Variants in RALGAPA2 observed in about 807,000 individuals in gnomAD.
RALGAPA2 encodes the protein Ral GTPase activating protein catalytic subunit alpha 2.
In RALGAPA2, 139 loss-of-function variants were observed where a neutral mutation model predicts 230.4. That is an observed-to-expected ratio of 0.60 (90% CI 0.53 to 0.69). The LOEUF is 0.69. Ranked by LOEUF, RALGAPA2 falls within the 30% of genes least tolerant of loss-of-function variation. RALGAPA2 has a pLI of 0.00. For missense variants in RALGAPA2, 2,163 were observed against 2,276.0 expected (o/e 0.95, Z 1.01); for synonymous variants, 847 against 837.8 (o/e 1.01, Z -0.19).
chr20:20,625,589 C>T (rs938523103), intron 10 of RALGAPA2, among the ~76,000 whole-genome samples: 4 of 152,146 alleles, frequency 2.6e-5, no homozygotes, highest in Non-Finnish European at 5.9e-5. Context: ...ATTGTACACA[C>T]ATAAATAAAT....
intron 34 of RALGAPA2, 33 bp downstream of exon 34, chr20:20,505,378 G>T: frequency 6.4e-7 from 1 of 1,570,850 alleles, no homozygotes; most frequent in Non-Finnish European, 8.6e-7. Context: ...AACAGTGCTG[G>T]TCAATAAACA....
intron 16 of RALGAPA2, among the ~76,000 whole-genome samples, chr20:20,600,576 C>G (rs1357345171): frequency 6.6e-6 from 1 of 152,196 alleles, no homozygotes; most frequent in African/African-American, 2.4e-5. Flanking sequence ...GGATTCTAAA[C>G]CATCTGTATT....
At chr20:20,438,158 C>T (rs1341399312) in intron 37 of RALGAPA2, among the ~76,000 whole-genome samples, 2 of 152,190 alleles carry the variant, frequency 1.3e-5, no homozygotes, top group African/African-American at 4.8e-5. Context: ...TAAATAGGAA[C>T]ATACCACAGT....
chr20:20,501,596 A>C (rs2062378003), intron 35 of RALGAPA2, among the ~76,000 whole-genome samples: 1 of 152,242 alleles, frequency 6.6e-6, no homozygotes, highest in Non-Finnish European at 1.5e-5. Context: ...CCATATCAGC[A>C]ATAAGGCTAT....
chr20:20,677,610 AAGAATCATGATT>A (rs2068374373), intron 2 of RALGAPA2, among the ~76,000 whole-genome samples: 1 of 148,588 alleles, frequency 6.7e-6, no homozygotes, highest in Non-Finnish European at 1.5e-5. Flanking sequence ...TACAGCAGCC[AAGAATCATGATT>A]TGACCCATTT....
At chr20:20,603,499 T>C (rs944880928) in intron 15 of RALGAPA2, among the ~76,000 whole-genome samples, 1 of 152,172 alleles carries the variant, frequency 6.6e-6, no homozygotes, top group African/African-American at 2.4e-5. Flanking sequence ...GTAGCAAAAC[T>C]GAACAAGCAG....
At chr20:20,679,735 T>C (rs915525321) in intron 2 of RALGAPA2, among the ~76,000 whole-genome samples, 3 of 152,062 alleles carry the variant, frequency 2.0e-5, no homozygotes, top group African/African-American at 7.2e-5. Flanking sequence ...CAAGGTCCAT[T>C]CCCAAGGCCA....
intron 3 of RALGAPA2, among the ~76,000 whole-genome samples, chr20:20,661,023 T>C (rs915069206): frequency 6.6e-6 from 1 of 152,120 alleles, no homozygotes. Flanking sequence ...TAGGTAACAT[T>C]ACAATAAACT....
At chr20:20,579,058 A>G (rs1449636162) in intron 20 of RALGAPA2, among the ~76,000 whole-genome samples, 1 of 152,194 alleles carries the variant, frequency 6.6e-6, no homozygotes, top group Non-Finnish European at 1.5e-5. Context: ...TGGAAAAACA[A>G]TTTTAGTGGC....
chr20:20,710,909 C>A (rs1254053619), intron 1 of RALGAPA2, among the ~76,000 whole-genome samples: 1 of 152,156 alleles, frequency 6.6e-6, no homozygotes, highest in Non-Finnish European at 1.5e-5. Flanking sequence ...AATGTCCCTG[C>A]AGTAGGTGTT....
intron 36 of RALGAPA2, among the ~76,000 whole-genome samples, chr20:20,488,695 G>A: frequency 6.6e-6 from 1 of 152,188 alleles, no homozygotes; most frequent in South Asian, 2.1e-4. Context: ...CTGAATTAAA[G>A]CAGCCTCCTT....
At chr20:20,683,154 A>G (rs2068580767) in intron 1 of RALGAPA2, among the ~76,000 whole-genome samples, 1 of 152,164 alleles carries the variant, frequency 6.6e-6, no homozygotes, top group Admixed American at 6.5e-5. Flanking sequence ...CCATTCTGTT[A>G]GCCTGCCTTT....
At chr20:20,546,348 T>C (rs1257064917) in intron 24 of RALGAPA2, among the ~76,000 whole-genome samples, 1 of 152,232 alleles carries the variant, frequency 6.6e-6, no homozygotes, top group Non-Finnish European at 1.5e-5. Flanking sequence ...AAAAACTTAC[T>C]GCTAATGTAC....
chr20:20,567,728 C>T (rs988862749), intron 23 of RALGAPA2, among the ~76,000 whole-genome samples: 3 of 151,554 alleles, frequency 2.0e-5, no homozygotes, highest in East Asian at 3.9e-4. Context: ...TACTATGGCT[C>T]ACACCTGTAA....
intron 37 of RALGAPA2, among the ~76,000 whole-genome samples, chr20:20,458,869 TATATATACACACAC>T (rs2061233032): frequency 1.8e-4 from 2 of 11,126 alleles, no homozygotes; most frequent in African/African-American, 6.3e-4. Flanking sequence ...TATATATATA[TATATATACACACAC>T]ACAAATAAAT....
At chr20:20,674,535 C>T (rs1351987899) in intron 3 of RALGAPA2, among the ~76,000 whole-genome samples, 1 of 152,166 alleles carries the variant, frequency 6.6e-6, no homozygotes, top group Non-Finnish European at 1.5e-5. Context: ...GGGCGGAAAG[C>T]AGACCAACTG....
Position 20,521,039 on chromosome 20 carries a change from G to A in RALGAPA2, c.3962C>T (p.Thr1321Ile). Residue 1321 changes from threonine to isoleucine, a missense_variant, in exon 31 of 40, where the codon ACC (threonine) becomes ATC (isoleucine). Coordinates refer to ENST00000202677, the MANE Select transcript of RALGAPA2 (RefSeq NM_020343.4). ...ATCCGTGGATGACAAGTCAGCCAGG[G>A]TCAGTATGTAGTGACTCTGTTGGGT... ...TYTQQSHYIL[T>I]LADLSSTDYD... The A allele has an allele frequency of 6.2e-7, 1 of 1,613,910 alleles. No homozygotes were observed. Among genetic ancestry groups the A allele is most frequent in the Non-Finnish European group, 8.5e-7 (1 of 1,179,846 alleles).
chr20:20,707,013 C>G (rs191629271), intron 1 of RALGAPA2, among the ~76,000 whole-genome samples: 20 of 152,256 alleles, frequency 1.3e-4, no homozygotes, highest in Admixed American at 1.1e-3. Context: ...TGTCCCACAA[C>G]CCCCCAGACA....
At chr20:20,457,188 GAGA>G (rs1434244718) in intron 37 of RALGAPA2, among the ~76,000 whole-genome samples, 2 of 152,320 alleles carry the variant, frequency 1.3e-5, no homozygotes, top group Admixed American at 6.5e-5. Context: ...TACTAAGAAA[GAGA>G]AGGAGAGGGA....
Sources: gnomAD v4.1 joint callset for allele counts (sites outside exome capture counted in the v4.1 genomes callset) on GRCh38, gnomAD v4.1.1 for gene constraint, MANE v1.5 for transcripts, NCBI Gene and HGNC (gene_info 2026-07-23, HGNC 2026-07-21) for gene names.